Variants in SPARCL1 observed in about 807,000 individuals in gnomAD.
SPARCL1 encodes SPARC like 1, also known as SPARC-like protein 1.
A neutral mutation model predicts 67.1 loss-of-function variants in SPARCL1; 52 were observed. That is an observed-to-expected ratio of 0.78 (90% CI 0.62 to 0.98). SPARCL1 has a LOEUF of 0.98. SPARCL1 is among the 50% of genes least tolerant of loss of function. The probability of loss-of-function intolerance (pLI) is 0.00; values close to 1 mark genes in which losing one functional copy is unlikely to be tolerated. For missense variants in SPARCL1, 717 were observed against 782.4 expected (o/e 0.92, Z 1.00); for synonymous variants, 226 against 267.8 (o/e 0.84, Z 1.52).
chr4:87,483,543 A>G (rs1348393584), intron 7 of SPARCL1, among the ~76,000 whole-genome samples: 1 of 152,200 alleles, frequency 6.6e-6, no homozygotes, highest in African/African-American at 2.4e-5. Context: ...GCTGTAATAA[A>G]CATATGTGTG....
chr4:87,526,508 T>C (rs6846462), intron 1 of SPARCL1, among the ~76,000 whole-genome samples: 44,819 of 152,024 alleles, frequency 0.29, 7,285 homozygotes, highest in South Asian at 0.42. Flanking sequence ...ACGACCTCAT[T>C]TGTGTGTATT....
At chr4:87,501,871 T>C (rs1724865651) in intron 1 of SPARCL1, among the ~76,000 whole-genome samples, 1 of 152,186 alleles carries the variant, frequency 6.6e-6, no homozygotes, top group Non-Finnish European at 1.5e-5. Flanking sequence ...ATTCTGGGGT[T>C]GATTCTCCGA....
chr4:87,501,666 GTC>G (rs1334691199), intron 1 of SPARCL1, among the ~76,000 whole-genome samples: 1 of 151,836 alleles, frequency 6.6e-6, no homozygotes, highest in Non-Finnish European at 1.5e-5. Context: ...TTTGGCCCTA[GTC>G]TTCTGAAATA....
At chr4:87,507,719 G>A (rs982937276) in intron 1 of SPARCL1, among the ~76,000 whole-genome samples, 5 of 152,144 alleles carry the variant, frequency 3.3e-5, no homozygotes, top group African/African-American at 7.2e-5. Context: ...TGGAGATAGC[G>A]TCAGATCCCA....
At chr4:87,506,301 T>A (rs997586649) in intron 1 of SPARCL1, among the ~76,000 whole-genome samples, 1 of 152,180 alleles carries the variant, frequency 6.6e-6, no homozygotes, top group African/African-American at 2.4e-5. Flanking sequence ...GGGGATAACA[T>A]CTGTGATGGT....
chr4:87,520,415 G>C (rs1200640099), intron 1 of SPARCL1, among the ~76,000 whole-genome samples: 2 of 152,102 alleles, frequency 1.3e-5, no homozygotes, highest in South Asian at 2.1e-4. Context: ...CTCAAAATTT[G>C]CTTTGCCTGA....
chr4:87,476,439 C>G (rs1161763236), intron 10 of SPARCL1, among the ~76,000 whole-genome samples: 2 of 152,162 alleles, frequency 1.3e-5, no homozygotes, highest in African/African-American at 4.8e-5. Context: ...ACAGTATTCT[C>G]TCAACAATTC....
chr4:87,499,397 A>G, intron 2 of SPARCL1, 124 bp downstream of exon 2: 1 of 874,672 alleles, frequency 1.1e-6, no homozygotes, highest in South Asian at 1.6e-5. Context: ...TGGGCAATAA[A>G]GAATATAATT....
intron 7 of SPARCL1, among the ~76,000 whole-genome samples, chr4:87,485,414 G>C (rs1276536462): frequency 6.6e-6 from 1 of 152,148 alleles, no homozygotes; most frequent in Non-Finnish European, 1.5e-5. Context: ...CAGGGATGAA[G>C]GTGACTTGAT....
At position 87,493,661 on chromosome 4, in the gene SPARCL1, T is replaced by C; in HGVS notation, c.1139A>G (p.His380Arg). 6.2e-7 allele frequency: 1 copy of C among 1,614,124 alleles called. No individual in the cohort carries two copies. Among genetic ancestry groups the C allele is most frequent in the Non-Finnish European group, 8.5e-7 (1 of 1,180,016 alleles). Residue 380 changes from histidine (H) to arginine (R), a missense_variant, in exon 4 of 11, where the codon CAC becomes CGC. Physicochemically the swap from His to Arg is conservative, Grantham distance 29. Transcript: ENST00000282470. ...EAERAQSIAYHLKIEEQREKV... is the reference protein window; with the variant it reads ...EAERAQSIAYRLKIEEQREKV... ...TTCTCTTTGCTCCTCAATTTTGAGG[T>C]GATAGGCAATGGATTGAGCTCTCTC...
At chr4:87,500,471 A>AT (rs1560821965) in intron 1 of SPARCL1, among the ~76,000 whole-genome samples, 3 of 152,050 alleles carry the variant, frequency 2.0e-5, no homozygotes, top group Non-Finnish European at 4.4e-5. Context: ...GGCAGCCTAC[A>AT]TTTTTTTGCA....
At chr4:87,505,311 A>AT (rs1361932475) in intron 1 of SPARCL1, among the ~76,000 whole-genome samples, 3 of 152,090 alleles carry the variant, frequency 2.0e-5, no homozygotes, top group Non-Finnish European at 4.4e-5. Flanking sequence ...ATATTCCATG[A>AT]TTTTTATTGT....
chr4:87,491,944 A>T lies in SPARCL1; in HGVS notation c.1219-254T>A, dbSNP rs111453843. On this transcript the variant is annotated intron_variant, in intron 4 of 10. Transcript: ENST00000282470. ...ACATAGGGAAACTCCATCTCTACCC[A>T]CCCCCCCCCCCAAAAAAAAAAAAAT... Among the ~76,000 whole-genome samples the T allele has an allele frequency of 1.9e-4, 5 of 26,864 alleles. 1 individual carries two copies. Among genetic ancestry groups the T allele is most frequent in the East Asian group, 1.4e-3 (2 of 1,404 alleles). The allele number at this position is 26,864 out of a possible 152,430, so 17.6% of individuals were successfully genotyped here.
intron 10 of SPARCL1, among the ~76,000 whole-genome samples, chr4:87,478,771 CAT>C (rs998342851): frequency 6.6e-5 from 10 of 152,190 alleles, no homozygotes; most frequent in Admixed American, 2.0e-4. Flanking sequence ...CATACTTGCT[CAT>C]AAAATTCAAG....
At chr4:87,512,461 C>G (rs1725404796) in intron 1 of SPARCL1, among the ~76,000 whole-genome samples, 1 of 152,006 alleles carries the variant, frequency 6.6e-6, no homozygotes, top group Non-Finnish European at 1.5e-5. Context: ...AAGCATGATG[C>G]CAGCAGAAAC....
At chr4:87,489,170 G>A (rs1477391551) in intron 7 of SPARCL1, among the ~76,000 whole-genome samples, 2 of 152,188 alleles carry the variant, frequency 1.3e-5, no homozygotes, top group Non-Finnish European at 2.9e-5. Context: ...CTCGGTGTCT[G>A]CCCAAATGGT....
At chr4:87,488,349 C>G (rs1475626456) in intron 7 of SPARCL1, among the ~76,000 whole-genome samples, 2 of 152,152 alleles carry the variant, frequency 1.3e-5, no homozygotes, top group African/African-American at 4.8e-5. Flanking sequence ...CTAAGAGGCC[C>G]CTCTGCTGCA....
chr4:87,498,466 A>C (rs145294002), intron 2 of SPARCL1, among the ~76,000 whole-genome samples: 1 of 152,350 alleles, frequency 6.6e-6, no homozygotes, highest in African/African-American at 2.4e-5. Flanking sequence ...TGAAAAAGAA[A>C]AAAAATATGG....
In SPARCL1 at chr4:87,480,380, A is replaced by G; in HGVS notation, c.1809T>C (p.Pro603=). 6.2e-7 allele frequency: 1 copy of G among 1,600,276 alleles called. No individual in the cohort carries two copies. The highest frequency in any genetic ancestry group is 8.5e-7 in the Non-Finnish European group (1 of 1,174,110). Reference sequence around the variant, plus strand: ...AGGTAAAGAGTTCTTACCTATCCATAGGGTGTTGGTCAAGTTCACTAAACT... The same window carrying G: ...AGGTAAAGAGTTCTTACCTATCCATGGGGTGTTGGTCAAGTTCACTAAACT... ...HWQFSELDQH[P]MDRVLTHSEL... Residue 603 remains proline (P), a synonymous_variant, in exon 9 of 11, where the codon CCT becomes CCC. Transcript: ENST00000282470.
Sources: allele counts gnomAD v4.1 joint callset (sites outside exome capture counted in the v4.1 genomes callset), GRCh38; gene constraint gnomAD v4.1.1; transcripts MANE v1.5; gene names NCBI Gene and HGNC (gene_info 2026-07-23, HGNC 2026-07-21).